SH3RF3: variants seen among roughly 807,000 people sequenced by gnomAD.
SH3RF3 encodes E3 ubiquitin-protein ligase SH3RF3.
A neutral mutation model predicts 66.3 loss-of-function variants in SH3RF3; 29 were observed. That is an observed-to-expected ratio of 0.44 (90% CI 0.33 to 0.60). The LOEUF (loss-of-function observed/expected upper bound fraction) is 0.60, where lower values mean the gene tolerates loss of function less well. SH3RF3 is among the 20% of genes least tolerant of loss of function. The pLI is 0.04. For synonymous variants in SH3RF3, 583 were observed against 532.0 expected (o/e 1.10, Z -1.32); for missense variants, 1,194 against 1,190.9 (o/e 1.00, Z -0.04).
chr2:109,391,600 C>T (rs1015301331), intron 3 of SH3RF3, among the ~76,000 whole-genome samples: 4 of 152,154 alleles, frequency 2.6e-5, no homozygotes, highest in East Asian at 1.9e-4. Flanking sequence ...GGCTTGTGGC[C>T]GGGCAGGGAG....
At chr2:109,394,358 T>G (rs947668950) in intron 3 of SH3RF3, among the ~76,000 whole-genome samples, 1 of 152,102 alleles carries the variant, frequency 6.6e-6, no homozygotes, top group Non-Finnish European at 1.5e-5. Flanking sequence ...TACTGTCCCA[T>G]GGACAAGACT....
At chr2:109,199,622 T>TTAACCC (rs1558954001) in intron 1 of SH3RF3, among the ~76,000 whole-genome samples, 2 of 132 alleles carry the variant, frequency 0.015, no homozygotes, top group South Asian at 0.25. Context: ...TGGAATGGAA[T>TTAACCC]GGAATGGAAT....
chr2:109,259,362 G>A (rs916425142), intron 1 of SH3RF3, among the ~76,000 whole-genome samples: 3 of 152,286 alleles, frequency 2.0e-5, no homozygotes, highest in African/African-American at 4.8e-5. Flanking sequence ...ATCCAGAGCC[G>A]GAGGCATCCT....
chr2:109,336,600 G>A (rs960660713), intron 1 of SH3RF3, among the ~76,000 whole-genome samples: 2 of 152,216 alleles, frequency 1.3e-5, no homozygotes, highest in Non-Finnish European at 2.9e-5. Flanking sequence ...TTTCCACCAC[G>A]TTGAGGCAAA....
intron 3 of SH3RF3, among the ~76,000 whole-genome samples, chr2:109,381,599 T>TG (rs1675671945): frequency 6.6e-6 from 1 of 151,904 alleles, no homozygotes; most frequent in African/African-American, 2.4e-5. Flanking sequence ...ACTTCTACCT[T>TG]TCCTGCTTGA....
chr2:109,465,734 G>A lies in SH3RF3; in HGVS notation c.2148+16245G>A, dbSNP rs192102665. 4.5e-3 allele frequency among the ~76,000 whole-genome samples: 690 copies of A among 152,226 alleles called. 9 individuals are homozygous for A. Among genetic ancestry groups the A allele is most frequent in the Non-Finnish European group, 3.5e-3 (241 of 68,024 alleles). ...ACCTCAGGAAGCTTCCAATCATGGC[G>A]GAAGACAAAGAGGGAACAAAGAGTC... On this transcript the variant is annotated intron_variant, in intron 8 of 9. Transcript: ENST00000309415.
intron 1 of SH3RF3, among the ~76,000 whole-genome samples, chr2:109,239,000 C>T (rs565785367): frequency 6.6e-6 from 1 of 152,288 alleles, no homozygotes; most frequent in East Asian, 1.9e-4. Context: ...AGAGGAAAAG[C>T]TACTGGTAGA....
At chr2:109,491,021 G>A in intron 9 of SH3RF3, 85 bp downstream of exon 9, 2 of 1,293,102 alleles carry the variant, frequency 1.5e-6, no homozygotes, top group East Asian at 5.4e-5. Context: ...CAGGGACACT[G>A]TGGCCTTGCT....
chr2:109,197,329 G>C lies in SH3RF3; in HGVS notation c.573+67216G>C, dbSNP rs1009285709. On this transcript the variant is annotated intron_variant, in intron 1 of 9. Coordinates refer to ENST00000309415, the MANE Select transcript of SH3RF3 (RefSeq NM_001099289.3). ...GGCTGCTGTTCTGCCTGACACAGGA[G>C]GGGTTAAGAAGGGAAGGGAAGGGCC... Among the ~76,000 whole-genome samples, 160 of 152,200 alleles carry C rather than the reference G, an allele frequency of 1.1e-3. 3 individuals carry two copies. Among genetic ancestry groups the C allele is most frequent in the Admixed American group, 0.01 (159 of 15,300 alleles).
In SH3RF3 at chr2:109,398,946, A is replaced by G. The variant is rs1676230295; in HGVS notation, c.1299+3A>G. 1 of 1,608,310 alleles carries G rather than the reference A, an allele frequency of 6.2e-7. No individual in the cohort carries two copies. Among genetic ancestry groups the G allele is most frequent in the Non-Finnish European group, 8.5e-7 (1 of 1,178,128 alleles). On this transcript the variant is annotated splice_donor_region_variant and intron_variant, in intron 4 of 9. Transcript: ENST00000309415. ...TGTCGTGCGCTGCTCCCACCCAGGT[A>G]ACATCCCGCGGGCCAGGGCAGGCAT... is the stretch of plus-strand genomic sequence containing the variant.
At chr2:109,176,388 T>A (rs1192954556) in intron 1 of SH3RF3, among the ~76,000 whole-genome samples, 1 of 152,154 alleles carries the variant, frequency 6.6e-6, no homozygotes, top group Non-Finnish European at 1.5e-5. Flanking sequence ...CCATGTGCAA[T>A]GGAATGCTGT....
chr2:109,385,566 G>A (rs1204695646), intron 3 of SH3RF3, among the ~76,000 whole-genome samples: 1 of 152,256 alleles, frequency 6.6e-6, no homozygotes, highest in African/African-American at 2.4e-5. Flanking sequence ...GAACTGTCCA[G>A]GGCAAAGGAG....
intron 8 of SH3RF3, among the ~76,000 whole-genome samples, chr2:109,480,853 C>T (rs1678817261): frequency 6.6e-6 from 1 of 152,146 alleles, no homozygotes; most frequent in African/African-American, 2.4e-5. Flanking sequence ...TGTTCTCTAG[C>T]TTGGAGCTTG....
rs966421914 is a variant in SH3RF3, at chr2:109,155,870, G to A, written c.573+25757G>A. ...GCTAAAGCTTTGTTATAACTATTTT[G>A]GTAGCTGTCTTTCCAAGATGGTCAT... On this transcript the variant is annotated intron_variant, in intron 1 of 9. Coordinates refer to ENST00000309415, the MANE Select transcript of SH3RF3 (RefSeq NM_001099289.3). Among the ~76,000 whole-genome samples the A allele has an allele frequency of 4.6e-5, 7 of 152,208 alleles. No homozygotes were observed. In the South Asian group the frequency reaches 1.4e-3, roughly 32 times the overall value.
At chr2:109,311,653 C>T (rs1357170356) in intron 1 of SH3RF3, among the ~76,000 whole-genome samples, 1 of 152,194 alleles carries the variant, frequency 6.6e-6, no homozygotes, top group Non-Finnish European at 1.5e-5. Context: ...GACTGCTGAG[C>T]ACTTGAGAGG....
intron 1 of SH3RF3, among the ~76,000 whole-genome samples, chr2:109,333,362 T>G (rs1205640370): frequency 6.6e-6 from 1 of 152,212 alleles, no homozygotes; most frequent in African/African-American, 2.4e-5. Context: ...ATGTATTGGT[T>G]TCAGCATCAG....
At chr2:109,400,654 A>G (rs1172274092) in intron 4 of SH3RF3, among the ~76,000 whole-genome samples, 1 of 151,500 alleles carries the variant, frequency 6.6e-6, no homozygotes, top group Non-Finnish European at 1.5e-5. Context: ...ACACATGTAG[A>G]CATTTATACA....
intron 1 of SH3RF3, among the ~76,000 whole-genome samples, chr2:109,208,427 T>C (rs1678892134): frequency 6.6e-6 from 1 of 152,196 alleles, no homozygotes; most frequent in South Asian, 2.1e-4. Context: ...ACTTGCTGTC[T>C]AGGAGCCCAG....
chr2:109,199,016 G>A (rs1678574235), intron 1 of SH3RF3, among the ~76,000 whole-genome samples: 1 of 152,078 alleles, frequency 6.6e-6, no homozygotes, highest in Non-Finnish European at 1.5e-5. Flanking sequence ...GTATTTACAT[G>A]GTGGCCTTAA....
Sources: gnomAD v4.1 joint callset for allele counts (sites outside exome capture counted in the v4.1 genomes callset) on GRCh38, gnomAD v4.1.1 for gene constraint, MANE v1.5 for transcripts, NCBI Gene and HGNC (gene_info 2026-07-23, HGNC 2026-07-21) for gene names.